The following IQCJ variants were observed in gnomAD, a reference collection of about 807,000 sequenced individuals.
IQCJ encodes the protein IQ domain-containing protein J.
A neutral mutation model predicts 11.0 loss-of-function variants in IQCJ; 9 were observed. The observed-to-expected ratio is 0.82, with a 90% CI of 0.49 to 1.43. The LOEUF (loss-of-function observed/expected upper bound fraction) is 1.43, where lower values mean the gene tolerates loss of function less well. Ranked by LOEUF, IQCJ falls within the 40% of genes most tolerant of loss-of-function variation. The pLI is 0.00. For synonymous variants in IQCJ, 55 were observed against 51.3 expected (o/e 1.07, Z -0.31); for missense variants, 146 against 133.2 (o/e 1.10, Z -0.47).
chr3:159,238,960 A>C (rs754393346), intron 1 of IQCJ, among the ~76,000 whole-genome samples: 5 of 152,196 alleles, frequency 3.3e-5, no homozygotes, highest in Non-Finnish European at 4.4e-5. Flanking sequence ...GAAAAATGGC[A>C]TTGTCTTCTA....
chr3:159,225,961 T>C (rs1254573571), intron 1 of IQCJ, among the ~76,000 whole-genome samples: 69 of 152,182 alleles, frequency 4.5e-4, no homozygotes, highest in Non-Finnish European at 7.3e-5. Flanking sequence ...CTTTACTTAC[T>C]ATTATTGGTT....
At chr3:159,110,868 A>T (rs1379009045) in intron 1 of IQCJ, among the ~76,000 whole-genome samples, 1 of 152,148 alleles carries the variant, frequency 6.6e-6, no homozygotes, top group East Asian at 1.9e-4. Flanking sequence ...TGCTTAAAAA[A>T]CAAAAGCAAA....
chr3:159,233,182 G>A (rs1282905391), intron 1 of IQCJ, among the ~76,000 whole-genome samples: 3 of 152,022 alleles, frequency 2.0e-5, no homozygotes, highest in East Asian at 1.9e-4. Context: ...TTGATGACAC[G>A]TTTATGTTCC....
intron 1 of IQCJ, among the ~76,000 whole-genome samples, chr3:159,219,486 A>G (rs112724654): frequency 6.8e-4 from 103 of 152,256 alleles, no homozygotes; most frequent in African/African-American, 2.4e-3. Context: ...TCAGCAGAGG[A>G]CATGACCTCT....
chr3:159,114,333 C>T (rs1472580), intron 1 of IQCJ, among the ~76,000 whole-genome samples: 101,786 of 148,220 alleles, frequency 0.69, 35,142 homozygotes, highest in Admixed American at 0.73. Context: ...TTTTCTGAGA[C>T]GTAGTCTTGC....
intron 1 of IQCJ, among the ~76,000 whole-genome samples, chr3:159,224,395 C>A (rs569696185): frequency 6.6e-6 from 1 of 152,244 alleles, no homozygotes; most frequent in African/African-American, 2.4e-5. Context: ...AACAAAGAAC[C>A]ACTTCATCCT....
At chr3:159,095,185 C>T (rs1027568824) in intron 1 of IQCJ, among the ~76,000 whole-genome samples, 10 of 151,656 alleles carry the variant, frequency 6.6e-5, no homozygotes, top group Admixed American at 5.2e-4. Flanking sequence ...GTTGGCAAAC[C>T]GACCATTAAG....
rs144654696 is a variant in IQCJ, at chr3:159,187,000, C to T, written c.10-58843C>T. On this transcript the variant is annotated intron_variant, in intron 1 of 3. Transcript: ENST00000397832. The stretch of plus-strand genomic sequence containing the variant: ...ATTGAGCTCCCCATTAAAATGTTGG[C>T]ATTGGGCATCCAGTCTTGTGATTTG... Among the ~76,000 whole-genome samples, 201 of 152,300 alleles carry T rather than the reference C, an allele frequency of 1.3e-3. 1 individual carries two copies. Among genetic ancestry groups the T allele is most frequent in the African/African-American group, 4.6e-3 (192 of 41,566 alleles).
intron 1 of IQCJ, among the ~76,000 whole-genome samples, chr3:159,087,749 G>A (rs78838945): frequency 0.72 from 106,459 of 147,220 alleles, 38,556 homozygotes; most frequent in East Asian, 0.82. Flanking sequence ...GTATTTCTGT[G>A]GGATCGGTGG....
chr3:159,265,546 G>A (rs1227721550), downstream of IQCJ: 2 of 627,106 alleles, frequency 3.2e-6, no homozygotes, highest in South Asian at 5.3e-5. Context: ...GTCAAATGTT[G>A]TCAGTGAGCT....
rs199555755 is a variant in IQCJ at position 159,252,790 on chromosome 3, G to A, written c.138G>A (p.Leu46=). 2 of 1,611,172 alleles carry A rather than the reference G, an allele frequency of 1.2e-6. No individual in the cohort carries two copies. Among genetic ancestry groups the A allele is most frequent in the African/African-American group, 1.3e-5 (1 of 74,896 alleles). Residue 46 remains leucine (L), a synonymous_variant, in exon 3 of 4, where the codon TTG becomes TTA. Transcript: ENST00000397832. The stretch of plus-strand genomic sequence containing the variant: ...AGTATCCCCTCAATCTACAGCCCTT[G>A]GAATCAAAGGTGAAAATGTAAGTTA... ...IEKYPLNLQP[L]ESKVKIIQRA...
chr3:159,139,464 A>C (rs1221754945), intron 1 of IQCJ, among the ~76,000 whole-genome samples: 1 of 152,142 alleles, frequency 6.6e-6, no homozygotes, highest in East Asian at 1.9e-4. Flanking sequence ...ATTTACACAT[A>C]TATTTACTGT....
At chr3:159,112,410 A>G (rs531742159) in intron 1 of IQCJ, among the ~76,000 whole-genome samples, 15 of 152,278 alleles carry the variant, frequency 9.9e-5, no homozygotes, top group Middle Eastern at 6.8e-3. Context: ...CACAAACTCA[A>G]CCTTTCTTGT....
In IQCJ at chr3:159,200,067, A is replaced by G. The variant is rs2108063051; in HGVS notation, c.10-45776A>G. Reference sequence around the variant, plus strand: ...ATATATAAATCTAAATTATATATATATGTGTGTGCATATATGTATGTATGT... The same window carrying G: ...ATATATAAATCTAAATTATATATATGTGTGTGTGCATATATGTATGTATGT... On this transcript the variant is annotated intron_variant, in intron 1 of 3. Coordinates refer to ENST00000397832, the MANE Select transcript of IQCJ (RefSeq NM_001042706.3). Among the ~76,000 whole-genome samples the G allele has an allele frequency of 1.6e-5, 2 of 125,736 alleles. 1 individual carries two copies. The highest frequency in any genetic ancestry group is 3.3e-5 in the Non-Finnish European group (2 of 60,648). The allele number at this position is 125,736 out of a possible 152,430, so 82.5% of individuals were successfully genotyped here.
Position 159,261,541 on chromosome 3 carries a change from G to A in IQCJ, c.156-1007G>A, listed in dbSNP as rs1337462694. ...ATAGTGAGTTCTCAGGAGGTCTGGT[G>A]CTTTTACATGGGGCTTCCCCCTTTA... On this transcript the variant is annotated intron_variant, in intron 3 of 3. Coordinates refer to ENST00000397832, the MANE Select transcript of IQCJ (RefSeq NM_001042706.3). Among the ~76,000 whole-genome samples, 3 of 152,208 alleles carry A rather than the reference G, an allele frequency of 2.0e-5. No homozygotes were observed. In the East Asian group the frequency reaches 5.8e-4, roughly 29 times the overall value.
chr3:159,233,207 G>T (rs539391386), intron 1 of IQCJ, among the ~76,000 whole-genome samples: 1 of 152,004 alleles, frequency 6.6e-6, no homozygotes, highest in African/African-American at 2.4e-5. Context: ...GAATTAAGTC[G>T]GTTGGGGATG....
chr3:159,157,767 T>C (rs1721607115), intron 1 of IQCJ, among the ~76,000 whole-genome samples: 1 of 152,234 alleles, frequency 6.6e-6, no homozygotes, highest in African/African-American at 2.4e-5. Flanking sequence ...CATACAAACA[T>C]ATATTCATTT....
At chr3:159,180,179 G>A (rs55791334) in intron 1 of IQCJ, among the ~76,000 whole-genome samples, 41,155 of 151,978 alleles carry the variant, frequency 0.27, 5,747 homozygotes, top group South Asian at 0.39. Context: ...TGCTTAAATG[G>A]AACATTGATT....
chr3:159,160,746 T>C (rs1054984060), intron 1 of IQCJ, among the ~76,000 whole-genome samples: 4 of 145,156 alleles, frequency 2.8e-5, no homozygotes, highest in Non-Finnish European at 4.5e-5. Flanking sequence ...TGTGTTCTCA[T>C]TGTTCAATTC....
Sources: gnomAD v4.1 joint callset for allele counts (sites outside exome capture counted in the v4.1 genomes callset) on GRCh38, gnomAD v4.1.1 for gene constraint, MANE v1.5 for transcripts, NCBI Gene and HGNC (gene_info 2026-07-23, HGNC 2026-07-21) for gene names.